The following STAG1 variants were observed in gnomAD, a reference collection of about 807,000 sequenced individuals.
STAG1 encodes STAG1 cohesin complex component, also known as cohesin subunit SA-1.
A neutral mutation model predicts 170.9 loss-of-function variants in STAG1; 26 were observed. The ratio of observed to expected loss-of-function variants is 0.15; its 90% CI spans 0.11 to 0.21. The LOEUF (loss-of-function observed/expected upper bound fraction) is 0.21. Among genes scored for constraint, STAG1 ranks in the 10% least tolerant of loss-of-function variants. The pLI, the probability that STAG1 is intolerant of heterozygous loss-of-function variation, is 1.00. For missense variants in STAG1, 964 were observed against 1,509.5 expected, an observed-to-expected ratio of 0.64 and a Z score of 5.99; for synonymous variants, 514 against 497.7, an observed-to-expected ratio of 1.03 and a Z score of -0.44.
At chr3:136,496,554 T>C (rs1365893936) in intron 9 of STAG1, among the ~76,000 whole-genome samples, 1 of 152,116 alleles carries the variant, frequency 6.6e-6, no homozygotes, top group Non-Finnish European at 1.5e-5. Context: ...AAATAATCCA[T>C]GGGTGAAACA....
At chr3:136,574,171 G>GT (rs1937366670) in intron 4 of STAG1, among the ~76,000 whole-genome samples, 4 of 152,066 alleles carry the variant, frequency 2.6e-5, no homozygotes, top group South Asian at 2.1e-4. Flanking sequence ...AACCCGGGAG[G>GT]TGGAGGTTGC....
intron 5 of STAG1, among the ~76,000 whole-genome samples, chr3:136,564,943 C>G (rs962065679): frequency 5.4e-4 from 73 of 135,342 alleles, no homozygotes; most frequent in Non-Finnish European, 3.5e-4. Flanking sequence ...GCAATGGATC[C>G]TTAAATTTGA....
chr3:136,586,323 C>T (rs1937819775), intron 4 of STAG1, among the ~76,000 whole-genome samples: 1 of 151,790 alleles, frequency 6.6e-6, no homozygotes, highest in South Asian at 2.1e-4. Context: ...CTTGATCTGC[C>T]CTAGATAATC....
chr3:136,560,290 A>G (rs1452942065), intron 5 of STAG1, among the ~76,000 whole-genome samples: 2 of 152,220 alleles, frequency 1.3e-5, no homozygotes, highest in Admixed American at 6.5e-5. Context: ...TATTAAAAAT[A>G]GGCACATCTG....
chr3:136,384,369 G>C (rs906564532), intron 22 of STAG1, among the ~76,000 whole-genome samples: 1 of 151,266 alleles, frequency 6.6e-6, no homozygotes, highest in African/African-American at 2.4e-5. Context: ...AGAACTGCTT[G>C]AACCTTGGAG....
At chr3:136,485,190 G>T (rs535068074) in intron 9 of STAG1, among the ~76,000 whole-genome samples, 3 of 152,166 alleles carry the variant, frequency 2.0e-5, no homozygotes, top group Admixed American at 6.6e-5. Context: ...AGGCACAGTG[G>T]CTCACGCCTG....
chr3:136,434,626 T>C (rs10935184), intron 15 of STAG1, among the ~76,000 whole-genome samples: 58,802 of 152,064 alleles, frequency 0.39, 13,246 homozygotes, highest in East Asian at 0.81. Flanking sequence ...AGACTCTTCA[T>C]GGTATCTTCT....
intron 1 of STAG1, among the ~76,000 whole-genome samples, chr3:136,663,805 A>G (rs1158748922): frequency 6.6e-6 from 1 of 152,162 alleles, no homozygotes; most frequent in Non-Finnish European, 1.5e-5. Flanking sequence ...ATATGGAAGG[A>G]AAAAAACTCC....
At chr3:136,550,179 C>T (rs1033294812) in intron 5 of STAG1, among the ~76,000 whole-genome samples, 9 of 151,938 alleles carry the variant, frequency 5.9e-5, no homozygotes, top group African/African-American at 1.9e-4. Context: ...CCATCCTCAT[C>T]GATTATTTGG....
intron 28 of STAG1, among the ~76,000 whole-genome samples, chr3:136,350,307 T>G (rs1936388429): frequency 1.3e-5 from 2 of 152,126 alleles, no homozygotes; most frequent in African/African-American, 4.8e-5. Flanking sequence ...GGGGGTTCCC[T>G]CTCTCTCTAG....
intron 12 of STAG1, among the ~76,000 whole-genome samples, chr3:136,472,172 T>C (rs1167967112): frequency 6.6e-6 from 1 of 152,102 alleles, no homozygotes; most frequent in African/African-American, 2.4e-5. Flanking sequence ...GTTACATCAT[T>C]GGTATTTTCT....
At chr3:136,350,648 C>T (rs190147132) in intron 28 of STAG1, among the ~76,000 whole-genome samples, 155 of 152,318 alleles carry the variant, frequency 1.0e-3, no homozygotes, top group African/African-American at 3.5e-3. Flanking sequence ...CATCCAAATT[C>T]TGCCCTCCTC....
At chr3:136,611,162 T>C (rs946316932) in intron 3 of STAG1, among the ~76,000 whole-genome samples, 2 of 152,190 alleles carry the variant, frequency 1.3e-5, no homozygotes, top group Admixed American at 6.5e-5. Flanking sequence ...AATTTTTTTT[T>C]CTTTTAGACA....
At chr3:136,354,284 T>G (rs1473426524) in intron 28 of STAG1, among the ~76,000 whole-genome samples, 1 of 152,210 alleles carries the variant, frequency 6.6e-6, no homozygotes, top group African/African-American at 2.4e-5. Flanking sequence ...TAAATCAGGA[T>G]AGACCTTAGG....
At chr3:136,467,484 T>C (rs948301376) in intron 12 of STAG1, among the ~76,000 whole-genome samples, 3 of 152,082 alleles carry the variant, frequency 2.0e-5, no homozygotes, top group Admixed American at 1.3e-4. Context: ...ATGCACCCAA[T>C]ACAGGAGCAC....
At chr3:136,710,958 T>C (rs1943366100) in intron 1 of STAG1, among the ~76,000 whole-genome samples, 1 of 151,950 alleles carries the variant, frequency 6.6e-6, no homozygotes, top group Admixed American at 6.6e-5. Flanking sequence ...CTTTAGACAA[T>C]GACTTAAACC....
chr3:136,595,969 T>C (rs969886959), intron 4 of STAG1, among the ~76,000 whole-genome samples: 4 of 152,214 alleles, frequency 2.6e-5, no homozygotes, highest in African/African-American at 7.2e-5. Context: ...CTGTCCTCTA[T>C]GGTCGGATAA....
intron 4 of STAG1, among the ~76,000 whole-genome samples, chr3:136,598,777 T>C (rs528523610): frequency 2.6e-5 from 4 of 152,308 alleles, no homozygotes; most frequent in East Asian, 3.9e-4. Context: ...AATTTTATAA[T>C]GCAATTTACC....
chr3:136,645,569 C>T (rs894969689), intron 1 of STAG1, among the ~76,000 whole-genome samples: 1 of 152,216 alleles, frequency 6.6e-6, no homozygotes, highest in Non-Finnish European at 1.5e-5. Flanking sequence ...AGAAAATTTA[C>T]TGTCCATGCT....
Sources: allele counts gnomAD v4.1 joint callset (sites outside exome capture counted in the v4.1 genomes callset), GRCh38; gene constraint gnomAD v4.1.1; transcripts MANE v1.5; gene names NCBI Gene and HGNC (gene_info 2026-07-23, HGNC 2026-07-21).